The following OGA variants were observed in gnomAD, a reference collection of about 807,000 sequenced individuals.
OGA encodes O-GlcNAcase.
A neutral mutation model predicts 102.0 loss-of-function variants in OGA; 21 were observed. That is an observed-to-expected ratio of 0.21 (90% CI 0.15 to 0.30). The LOEUF is 0.30. Ranked by LOEUF, OGA falls within the 10% of genes least tolerant of loss-of-function variation. The pLI, the probability that OGA is intolerant of heterozygous loss-of-function variation, is 1.00. For synonymous variants in OGA, 408 were observed against 378.2 expected (o/e 1.08, Z -0.91); for missense variants, 765 against 1,107.8 (o/e 0.69, Z 4.39).
intron 5 of OGA, 50 bp downstream of exon 5, chr10:101,807,680 T>C (rs756134173): frequency 1.5e-6 from 2 of 1,291,184 alleles, no homozygotes; most frequent in Non-Finnish European, 1.0e-6. Context: ...CCTTTATAAG[T>C]TATATATTCC....
At chr10:101,815,128 T>C (rs112753952) in intron 1 of OGA, among the ~76,000 whole-genome samples, 28 of 152,344 alleles carry the variant, frequency 1.8e-4, no homozygotes, top group African/African-American at 6.3e-4. Flanking sequence ...TTCTGCAATG[T>C]ATTTTAGCTC....
At position 101,817,964 on chromosome 10, in the gene OGA, T is replaced by A; in HGVS notation, c.59A>T (p.Asn20Ile). 6.2e-7 allele frequency: 1 copy of A among 1,604,132 alleles called. No homozygotes were observed. The change falls in exon 1 of 16, where the codon AAC becomes ATC. Residue 20 changes from asparagine to isoleucine, a missense_variant. By Grantham distance (149) the Asn-to-Ile change is moderately radical. Transcript: ENST00000361464. Reference protein sequence around the residue: ...LEERESELSSNPAASAGASLE... With the variant: ...LEERESELSSIPAASAGASLE... ...CGATGCCCCCGCAGAGGCGGCAGGG[T>A]TGGAGCTGAGCTCGCTCTCCCGCTC...
intron 7 of OGA, among the ~76,000 whole-genome samples, chr10:101,803,429 C>T (rs1230591012): frequency 6.9e-6 from 1 of 145,344 alleles, no homozygotes; most frequent in East Asian, 2.0e-4. Flanking sequence ...CGAGCCACCA[C>T]GCTGCTTCTG....
At chr10:101,799,554 T>G (rs2065362456) in intron 8 of OGA, 99 bp from the exon 9 acceptor site, 2 of 1,273,696 alleles carry the variant, frequency 1.6e-6, no homozygotes. Context: ...ATCATATTTG[T>G]TAAGTGGAAC....
At chr10:101,812,845 G>A (rs1160946466) in intron 3 of OGA, 185 bp downstream of exon 3, 5 of 664,958 alleles carry the variant, frequency 7.5e-6, no homozygotes, top group African/African-American at 3.6e-5. Flanking sequence ...CACACATATG[G>A]TCATGACCTT....
chr10:101,791,387 G>C lies in OGA; in HGVS notation c.2228C>G (p.Pro743Arg), dbSNP rs1465459491. 1 of 1,613,988 alleles carries C rather than the reference G, an allele frequency of 6.2e-7. No homozygotes were observed. Among genetic ancestry groups the C allele is most frequent in the Admixed American group, 1.7e-5 (1 of 60,022 alleles). The change falls in exon 13 of 16, where the codon CCC (proline) becomes CGC (arginine). Residue 743 changes from proline to arginine, a missense_variant. Around this residue, in one of 7 missense-constraint regions of OGA, gnomAD observed 146 missense variants for 269.7 expected, o/e 0.54. Coordinates refer to ENST00000361464, the MANE Select transcript of OGA (RefSeq NM_012215.5). ...AATAAGATCAGGCTGACTTTGAAAG[G>C]GTAAACCCACTCCATCGTCATACAT... ...REMYDDGVGLPFQSQPDLIGD... is the reference protein window; with the variant it reads ...REMYDDGVGLRFQSQPDLIGD...
chr10:101,809,696 ACT>A (rs1312849124), intron 4 of OGA, among the ~76,000 whole-genome samples: 10 of 141,556 alleles, frequency 7.1e-5, no homozygotes, highest in African/African-American at 2.4e-4. Context: ...ACAGGGCAAG[ACT>A]CTGTCTCAAA....
At chr10:101,787,649 C>T (rs1477123317) in intron 14 of OGA, 126 bp from the exon 15 acceptor site, 4 of 752,220 alleles carry the variant, frequency 5.3e-6, no homozygotes. Context: ...AATTATCTCA[C>T]ACAGGATTAT....
At chr10:101,794,060 T>A in intron 10 of OGA, 62 bp from the exon 11 acceptor site, 1 of 1,221,770 alleles carries the variant, frequency 8.2e-7, no homozygotes, top group Admixed American at 1.8e-5. Flanking sequence ...GGGTCTCAAA[T>A]GTCCAACAAA....
chr10:101,792,483 T>C (rs1047867960), intron 12 of OGA: 11 of 165,940 alleles, frequency 6.6e-5, no homozygotes, highest in African/African-American at 2.1e-4. Context: ...CTTTAGCTGA[T>C]TGTCAACAGC....
chr10:101,812,259 C>T (rs750622664), intron 3 of OGA, among the ~76,000 whole-genome samples: 22 of 151,986 alleles, frequency 1.4e-4, no homozygotes, highest in East Asian at 9.6e-4. Flanking sequence ...CATAGCAGGC[C>T]GGCCGGGCAC....
rs1212871223 is a variant in OGA, at chr10:101,799,307, A to C, written c.1344T>G (p.Pro448=). ...TTTCTTCTTCCTTGGTCAGAGTAGT[A>C]GGCTCACCACTCAAGGCTGCTCCCT... ...MSQGAALSGE[P]TTLTKEEEKK... Residue 448 remains proline (P), a synonymous_variant, in exon 9 of 16, where the codon CCT becomes CCG. Transcript: ENST00000361464. 7 of 1,614,118 alleles carry C rather than the reference A, an allele frequency of 4.3e-6. No homozygotes were observed. The highest frequency in any genetic ancestry group is 5.9e-6 in the Non-Finnish European group (7 of 1,180,016).
chr10:101,800,424 C>G, intron 7 of OGA, 24 bp from the exon 8 acceptor site: 4 of 1,590,952 alleles, frequency 2.5e-6, no homozygotes, highest in Non-Finnish European at 2.6e-6. Context: ...AATAAAAAAG[C>G]ACAAAAATAG....
chr10:101,793,859 G>A, intron 11 of OGA, 54 bp downstream of exon 11: 2 of 1,353,458 alleles, frequency 1.5e-6, no homozygotes, highest in Non-Finnish European at 2.1e-6. Flanking sequence ...CGCAACATAA[G>A]GTTTCTCATA....
At chr10:101,804,501 C>T (rs995565788) in intron 6 of OGA, among the ~76,000 whole-genome samples, 7 of 152,006 alleles carry the variant, frequency 4.6e-5, no homozygotes, top group African/African-American at 1.7e-4. Flanking sequence ...TCTCGATCTC[C>T]TCACCCTGTG....
intron 3 of OGA, among the ~76,000 whole-genome samples, chr10:101,811,181 G>T (rs936025725): frequency 1.3e-5 from 2 of 151,836 alleles, no homozygotes; most frequent in African/African-American, 4.8e-5. Flanking sequence ...CTGAGGTCAG[G>T]AGTTTGAGAC....
intron 7 of OGA, among the ~76,000 whole-genome samples, chr10:101,800,916 A>AG (rs1411547401): frequency 6.6e-6 from 1 of 151,896 alleles, no homozygotes; most frequent in East Asian, 1.9e-4. Flanking sequence ...CTGGGACTAC[A>AG]GGCGCATGCC....
intron 1 of OGA, among the ~76,000 whole-genome samples, chr10:101,815,460 AT>A (rs1160786507): frequency 6.6e-6 from 1 of 151,742 alleles, no homozygotes; most frequent in Non-Finnish European, 1.5e-5. Flanking sequence ...AATTTTTTCT[AT>A]TTTTAGTAGA....
chr10:101,788,420 G>A (rs1385673512), intron 14 of OGA, among the ~76,000 whole-genome samples: 3 of 145,582 alleles, frequency 2.1e-5, no homozygotes, highest in African/African-American at 7.7e-5. Context: ...GCCTGGGCGG[G>A]GAAAAAAAAA....
Sources: gnomAD v4.1 joint callset for allele counts (sites outside exome capture counted in the v4.1 genomes callset) on GRCh38, gnomAD v4.1.1 for gene constraint, gnomAD v4.1.1 regional missense constraint, MANE v1.5 for transcripts, NCBI Gene and HGNC (gene_info 2026-07-23, HGNC 2026-07-21) for gene names.